Variants in FOXK1 observed in about 807,000 individuals in gnomAD.
FOXK1 encodes forkhead box protein K1.
A neutral mutation model predicts 51.9 loss-of-function variants in FOXK1; 19 were observed. That is an observed-to-expected ratio of 0.37 (90% confidence interval 0.26 to 0.54). FOXK1 has a LOEUF of 0.54. Among genes scored for constraint, FOXK1 ranks in the 20% least tolerant of loss-of-function variants. The pLI is 0.87. For missense variants in FOXK1, 870 were observed against 1,032.7 expected, an observed-to-expected ratio of 0.84 and a Z score of 2.16; for synonymous variants, 537 against 482.6, an observed-to-expected ratio of 1.11 and a Z score of -1.48.
intron 1 of FOXK1, among the ~76,000 whole-genome samples, chr7:4,688,882 C>T (rs989207385): frequency 5.3e-5 from 8 of 152,154 alleles, no homozygotes; most frequent in Admixed American, 3.9e-4. Flanking sequence ...TGGTGGTGCA[C>T]GCAGAGGTGA....
At chr7:4,719,309 A>C (rs1780279576) in intron 1 of FOXK1, among the ~76,000 whole-genome samples, 1 of 151,856 alleles carries the variant, frequency 6.6e-6, no homozygotes, top group Non-Finnish European at 1.5e-5. Context: ...TAATTTTAAA[A>C]AAAGATTCTT....
rs999808502 is a variant in FOXK1, at chr7:4,731,294, C to G, written c.561-9544C>G. Among the ~76,000 whole-genome samples the G allele has an allele frequency of 6.6e-6, 1 of 152,208 alleles. No homozygotes were observed. The highest frequency in any genetic ancestry group is 1.5e-5 in the Non-Finnish European group (1 of 68,054). ...GTTTTCCCCCTGCCTCAGAGCCAAA[C>G]CACTTAACAGAACCAGGCGAGCCAG... is the stretch of plus-strand genomic sequence containing the variant. On this transcript the variant is annotated intron_variant, in intron 1 of 8. Transcript: ENST00000328914. This position sits in a 1 kb window ranked among gnomAD's most constrained non-coding sequence, Gnocchi z 5.3.
At chr7:4,721,341 A>G (rs780480011) in intron 1 of FOXK1, among the ~76,000 whole-genome samples, 16 of 152,092 alleles carry the variant, frequency 1.1e-4, no homozygotes, top group Non-Finnish European at 2.4e-4. Flanking sequence ...TGCAGCCCAT[A>G]ATGGTGCAAC....
At chr7:4,714,269 A>G (rs943136831) in intron 1 of FOXK1, among the ~76,000 whole-genome samples, 5 of 151,132 alleles carry the variant, frequency 3.3e-5, no homozygotes, top group Non-Finnish European at 3.0e-5. Flanking sequence ...TGTTGACCCT[A>G]TTTTCACTGT....
chr7:4,687,284 TGTTTTC>T (rs1250385894), intron 1 of FOXK1, among the ~76,000 whole-genome samples: 2 of 151,374 alleles, frequency 1.3e-5, no homozygotes, highest in East Asian at 2.0e-4. Flanking sequence ...TTGGTTTGTT[TGTTTTC>T]GTTTTCGTTT....
At chr7:4,738,660 C>G (rs185334276) in intron 1 of FOXK1, among the ~76,000 whole-genome samples, 3 of 152,280 alleles carry the variant, frequency 2.0e-5, no homozygotes, top group African/African-American at 7.2e-5. Flanking sequence ...CCCCAAGATT[C>G]ACTCGCTGGG....
At chr7:4,700,313 G>A (rs1467886401) in intron 1 of FOXK1, among the ~76,000 whole-genome samples, 1 of 152,182 alleles carries the variant, frequency 6.6e-6, no homozygotes, top group Non-Finnish European at 1.5e-5. Context: ...TAAACAAATA[G>A]GAGAGATCTG....
rs1463568418 is a variant in FOXK1 at position 4,761,965 on chromosome 7, C to T, written c.1922-219C>T. 6.6e-6 allele frequency among the ~76,000 whole-genome samples: 1 copy of T among 152,092 alleles called. No individual in the cohort carries two copies. Among genetic ancestry groups the T allele is most frequent in the Non-Finnish European group, 1.5e-5 (1 of 68,008 alleles). On this transcript the variant is annotated intron_variant, in intron 8 of 8. Coordinates refer to ENST00000328914, the MANE Select transcript of FOXK1 (RefSeq NM_001037165.2). The surrounding 1 kb of genome is among the most constrained non-coding windows in gnomAD (Gnocchi z 6.2). ...GGATCTAGACAGCAATGAGAGGGGC[C>T]TCCACCCAACAGGCTGGAGCCAGCA...
rs1384282731 is a variant in FOXK1 at position 4,767,457 on chromosome 7, G to A, written c.*4993G>A. The A allele has an allele frequency of 6.6e-6, 1 of 152,228 alleles. No homozygotes were observed. Among genetic ancestry groups the A allele is most frequent in the African/African-American group, 2.4e-5 (1 of 41,460 alleles). 9.4% of individuals were successfully genotyped at this position (152,228 alleles called of 1,614,324 possible). On this transcript the variant is annotated 3_prime_UTR_variant, in exon 9 of 9. Coordinates refer to ENST00000328914, the MANE Select transcript of FOXK1 (RefSeq NM_001037165.2). The surrounding 1 kb of genome is among the most constrained non-coding windows in gnomAD (Gnocchi z 6.6). Reference sequence around the variant, plus strand: ...GTGTTTACCCACAGCCTCGCCTCGAGCCTCCTTGACAATACCGCTGCTTCA... The same window carrying A: ...GTGTTTACCCACAGCCTCGCCTCGAACCTCCTTGACAATACCGCTGCTTCA...
chr7:4,728,362 G>A (rs1195399495), intron 1 of FOXK1, among the ~76,000 whole-genome samples: 3 of 152,234 alleles, frequency 2.0e-5, no homozygotes, highest in Admixed American at 2.0e-4. Context: ...CCTCGGGGTT[G>A]TCCGGCTGCG....
rs367667725 is a variant in FOXK1, at chr7:4,741,807, A to AG, written c.746+786dup. Among the ~76,000 whole-genome samples the AG allele has an allele frequency of 3.3e-3, 497 of 152,320 alleles. 5 individuals carry two copies. Among genetic ancestry groups the AG allele is most frequent in the African/African-American group, 0.012 (481 of 41,562 alleles). On this transcript the variant is annotated intron_variant, in intron 2 of 8. Coordinates refer to ENST00000328914, the MANE Select transcript of FOXK1 (RefSeq NM_001037165.2). ...TGATGAGCCCCTGAGTAGGGGTTGC[A>AG]GGTGAAAAGTATAAACAGAGCTCTG...
rs145461183 is a variant in FOXK1, at chr7:4,750,055, G to A, written c.747-4404G>A. 8.5e-4 allele frequency among the ~76,000 whole-genome samples: 130 copies of A among 152,312 alleles called. 1 individual carries two copies. The highest frequency in any genetic ancestry group is 2.9e-3 in the African/African-American group (121 of 41,578). ...CTGTGAGCACAGCTCCGGGAGACCC[G>A]TACTCAGAATCCTCCAGCTCTCTCG... On this transcript the variant is annotated intron_variant, in intron 2 of 8. Coordinates refer to ENST00000328914, the MANE Select transcript of FOXK1 (RefSeq NM_001037165.2).
At chr7:4,718,338 G>A (rs1422392565) in intron 1 of FOXK1, among the ~76,000 whole-genome samples, 1 of 152,210 alleles carries the variant, frequency 6.6e-6, no homozygotes, top group Non-Finnish European at 1.5e-5. Flanking sequence ...CAGTAAATGC[G>A]TCTCCATGGC....
At chr7:4,712,212 G>C (rs1048502941) in intron 1 of FOXK1, among the ~76,000 whole-genome samples, 6 of 152,090 alleles carry the variant, frequency 3.9e-5, no homozygotes, top group African/African-American at 1.4e-4. Context: ...CGTTCGACGT[G>C]TCAGACTTCA....
At chr7:4,740,582 G>A (rs1489709401) in intron 1 of FOXK1, among the ~76,000 whole-genome samples, 2 of 150,706 alleles carry the variant, frequency 1.3e-5, no homozygotes, top group Non-Finnish European at 2.9e-5. Flanking sequence ...TTGCACTCCA[G>A]CCTGGGTGAC....
At position 4,700,077 on chromosome 7, in the gene FOXK1, A is replaced by T. The variant is rs572648656; in HGVS notation, c.560+17209A>T. On this transcript the variant is annotated intron_variant, in intron 1 of 8. Coordinates refer to ENST00000328914, the MANE Select transcript of FOXK1 (RefSeq NM_001037165.2). ...TGCCTGCCTGAGAGCCATTTCCGTCAGGAGGCCTTCCCCGGTGCCTGGCTG... is the reference window on the plus strand; with the variant it reads ...TGCCTGCCTGAGAGCCATTTCCGTCTGGAGGCCTTCCCCGGTGCCTGGCTG... 2.0e-5 allele frequency among the ~76,000 whole-genome samples: 3 copies of T among 152,338 alleles called. No individual in the cohort carries two copies. The East Asian group carries it at 5.8e-4, about 29-fold the overall frequency.
At chr7:4,760,029 CAA>C (rs10644631) in intron 7 of FOXK1, 42 of 150,822 alleles carry the variant, frequency 2.8e-4, no homozygotes, top group Non-Finnish European at 4.1e-4. Flanking sequence ...AACCCTGTCT[CAA>C]AAAAAAAAAA....
intron 2 of FOXK1, among the ~76,000 whole-genome samples, chr7:4,752,779 C>T (rs557120724): frequency 8.5e-5 from 13 of 152,256 alleles, no homozygotes; most frequent in East Asian, 1.9e-4. Context: ...GGTGCACAGG[C>T]GTGTGCTGGC....
intron 1 of FOXK1, among the ~76,000 whole-genome samples, chr7:4,684,605 C>A (rs1320601923): frequency 6.6e-6 from 1 of 152,092 alleles, no homozygotes; most frequent in Admixed American, 6.6e-5. Context: ...CGTTTGGGGC[C>A]ATTAAATGCA....
Sources: gnomAD v4.1 joint callset for allele counts (sites outside exome capture counted in the v4.1 genomes callset) on GRCh38, gnomAD v4.1.1 for gene constraint, Gnocchi (gnomAD v3.1) non-coding constraint, MANE v1.5 for transcripts, NCBI Gene and HGNC (gene_info 2026-07-23, HGNC 2026-07-21) for gene names.